Variants in ADRA2C observed in about 807,000 individuals in gnomAD.
ADRA2C encodes adrenoceptor alpha 2C.
Under a neutral mutation model 7.9 loss-of-function variants are expected in ADRA2C, and 4 were observed. The ratio of observed to expected loss-of-function variants is 0.51; its 90% CI spans 0.25 to 1.16. The LOEUF is 1.16. Among genes scored for constraint, ADRA2C ranks in the 50% most tolerant of loss-of-function variants. The pLI, the probability that ADRA2C is intolerant of heterozygous loss-of-function variation, is 0.15. For missense variants in ADRA2C, 589 were observed against 677.7 expected (o/e 0.87, Z 1.45); for synonymous variants, 368 against 328.9 (o/e 1.12, Z -1.29).
At position 3,767,473 on chromosome 4, in the gene ADRA2C, C is replaced by A; in HGVS notation, c.867C>A (p.Ser289Arg). The stretch of plus-strand genomic sequence containing the variant: ...CCGACGTGGAGCCGGACGAGAGCAG[C>A]GCAGCGGCCGAGAGGCGGCGGCGCC... Reference protein sequence around the residue: ...PPADVEPDESSAAAERRRRRG... With the variant: ...PPADVEPDESRAAAERRRRRG... The change falls in exon 1 of 1, where the codon AGC (serine) becomes AGA (arginine). Residue 289 changes from serine (S) to arginine (R), a missense_variant. Physicochemically the swap from Ser to Arg is moderately radical, Grantham distance 110. Coordinates refer to ENST00000330055, the MANE Select transcript of ADRA2C (RefSeq NM_000683.4). 2 of 1,312,502 alleles carry A rather than the reference C, an allele frequency of 1.5e-6. No individual in the cohort carries two copies. The allele number at this position is 1,312,502 out of a possible 1,614,324, so 81.3% of individuals were successfully genotyped here.
In ADRA2C at chr4:3,768,083, C is replaced by CGGGGAGCTCTCCCAGAGACCA; in HGVS notation, c.*93_*94insGCTCTCCCAGAGACCAGGGGA. The CGGGGAGCTCTCCCAGAGACCA allele has an allele frequency of 3.0e-6, 4 of 1,347,724 alleles. No homozygotes were observed. Among genetic ancestry groups the CGGGGAGCTCTCCCAGAGACCA allele is most frequent in the Admixed American group, 4.2e-5 (2 of 48,116 alleles). The allele number at this position is 1,347,724 out of a possible 1,614,324, so 83.5% of individuals were successfully genotyped here. On this transcript the variant is annotated 3_prime_UTR_variant, in exon 1 of 1. Coordinates refer to ENST00000330055, the MANE Select transcript of ADRA2C (RefSeq NM_000683.4). ...GGACGGGGGAGCTTTCCCAGAGACC[C>CGGGGAGCTCTCCCAGAGACCA]GGGGATGGATTGGCCTCCAGGGCGC... is the stretch of plus-strand genomic sequence containing the variant.
Position 3,766,767 on chromosome 4 carries a change from T to C in ADRA2C, c.161T>C (p.Leu54Pro), listed in dbSNP as rs2108706408. ...TACTCGGCGGGCGCGGTGGCAGGGC[T>C]GGCTGCCGTGGTGGGCTTCCTCATC... ...GQYSAGAVAG[L>P]AAVVGFLIVF... is the part of the protein sequence containing the mutation. The change falls in exon 1 of 1, where the codon CTG becomes CCG. Residue 54 changes from leucine (L) to proline (P), a missense_variant. By Grantham distance (98) the Leu-to-Pro change is moderately conservative. Coordinates refer to ENST00000330055, the MANE Select transcript of ADRA2C (RefSeq NM_000683.4). This position sits in a 1 kb window ranked among gnomAD's most constrained non-coding sequence, Gnocchi z 4.5. The C allele has an allele frequency of 6.5e-7, 1 of 1,540,162 alleles. No homozygotes were observed. The highest frequency in any genetic ancestry group is 2.4e-5 in the East Asian group (1 of 41,014).
chr4:3,768,408 C>A lies in ADRA2C; in HGVS notation c.*413C>A. The A allele has an allele frequency of 1.6e-6, 1 of 627,108 alleles. No homozygotes were observed. Among genetic ancestry groups the A allele is most frequent in the Non-Finnish European group, 2.9e-6 (1 of 340,386 alleles). 38.8% of individuals were successfully genotyped at this position (627,108 alleles called of 1,614,324 possible). A position where few individuals can be genotyped will look rare whatever the true frequency, so the allele number is the denominator to read the frequency against. Reference sequence around the variant, plus strand: ...TCTCCAGGACCTAGTCGGGGGGTGGCTGCCAGGGGGCAAGGAGAAAGCACC... The same window carrying A: ...TCTCCAGGACCTAGTCGGGGGGTGGATGCCAGGGGGCAAGGAGAAAGCACC... On this transcript the variant is annotated 3_prime_UTR_variant, in exon 1 of 1. Transcript: ENST00000330055.
In ADRA2C at chr4:3,766,711, G is replaced by C; in HGVS notation, c.105G>C (p.Ser35=). 4 of 1,457,880 alleles carry C rather than the reference G, an allele frequency of 2.7e-6. No homozygotes were observed. The highest frequency in any genetic ancestry group is 3.6e-6 in the Non-Finnish European group (4 of 1,106,898). 90.3% of individuals were successfully genotyped at this position (1,457,880 alleles called of 1,614,324 possible). The change falls in exon 1 of 1, where the codon TCG becomes TCC. Residue 35 remains serine, a synonymous_variant. Coordinates refer to ENST00000330055, the MANE Select transcript of ADRA2C (RefSeq NM_000683.4). This position sits in a 1 kb window ranked among gnomAD's most constrained non-coding sequence, Gnocchi z 4.5. The stretch of plus-strand genomic sequence containing the variant: ...GCAGCGGCGGGGTTGCCAATGCCTC[G>C]GGGGCTTCCTGGGGGCCGCCGCGCG... ...ERGSGGVANA[S]GASWGPPRGQ... is the part of the protein sequence containing the mutation.
At position 3,768,218 on chromosome 4, in the gene ADRA2C, C is replaced by A. The variant is rs1735504562; in HGVS notation, c.*223C>A. On this transcript the variant is annotated 3_prime_UTR_variant, in exon 1 of 1. Coordinates refer to ENST00000330055, the MANE Select transcript of ADRA2C (RefSeq NM_000683.4). ...GCCTTCCCCCCTCAGCAAGGGGCTG[C>A]TTCTGGGGCTCCCTGCCTGGATCCA... The A allele has an allele frequency of 1.4e-6, 1 of 720,566 alleles. No individual in the cohort carries two copies. The highest frequency in any genetic ancestry group is 2.6e-6 in the Non-Finnish European group (1 of 388,378). The allele number at this position is 720,566 out of a possible 1,614,324, so 44.6% of individuals were successfully genotyped here.
chr4:3,767,454 T>C lies in ADRA2C; in HGVS notation c.848T>C (p.Val283Ala). The change falls in exon 1 of 1, where the codon GTG becomes GCG. Residue 283 changes from valine (V) to alanine (A), a missense_variant. Transcript: ENST00000330055. ...NGHCAPPPADVEPDESSAAAE... is the reference protein window; with the variant it reads ...NGHCAPPPADAEPDESSAAAE... ...CACTGCGCGCCCCCGCCCGCCGACG[T>C]GGAGCCGGACGAGAGCAGCGCAGCG... 2 of 1,490,472 alleles carry C rather than the reference T, an allele frequency of 1.3e-6. No homozygotes were observed. Among genetic ancestry groups the C allele is most frequent in the Non-Finnish European group, 1.8e-6 (2 of 1,130,808 alleles). The allele number at this position is 1,490,472 out of a possible 1,614,324, so 92.3% of individuals were successfully genotyped here.
At position 3,768,062 on chromosome 4, in the gene ADRA2C, G is replaced by C. The variant is rs73792664; in HGVS notation, c.*67G>C. ...GCTGGGCAGAAGGGGCGGCCCGGAC[G>C]GGGGAGCTTTCCCAGAGACCCGGGG... On this transcript the variant is annotated 3_prime_UTR_variant, in exon 1 of 1. Transcript: ENST00000330055. 14 of 1,157,864 alleles carry C rather than the reference G, an allele frequency of 1.2e-5. No individual in the cohort carries two copies. In the East Asian group the frequency reaches 2.3e-4, roughly 19 times the overall value. 71.7% of individuals were successfully genotyped at this position (1,157,864 alleles called of 1,614,324 possible).
chr4:3,766,483 G>C lies in ADRA2C; in HGVS notation c.-124G>C, dbSNP rs1053950014. ...CCGAGGGCCGGCTGCTGGGCGCCGC[G>C]GTCCCCGGCGGGCGCGCCCGAGCAG... On this transcript the variant is annotated 5_prime_UTR_variant, in exon 1 of 1. Transcript: ENST00000330055. This position sits in a 1 kb window ranked among gnomAD's most constrained non-coding sequence, Gnocchi z 4.5. 4.5e-6 allele frequency: 3 copies of C among 669,358 alleles called. No homozygotes were observed. The African/African-American group carries it at 5.9e-5, about 13-fold the overall frequency. The allele number at this position is 669,358 out of a possible 1,614,324, so 41.5% of individuals were successfully genotyped here. A position where few individuals can be genotyped will look rare whatever the true frequency, so the allele number is the denominator to read the frequency against.
Position 3,767,055 on chromosome 4 carries a change from A to G in ADRA2C, c.449A>G (p.Tyr150Cys). 6.2e-7 allele frequency: 1 copy of G among 1,611,150 alleles called. No homozygotes were observed. Among genetic ancestry groups the G allele is most frequent in the Non-Finnish European group, 8.5e-7 (1 of 1,179,878 alleles). The part of the protein sequence containing the change: ...VHLCAISLDR[Y>C]WSVTQAVEYN... ...CTGTGTGCCATCAGCCTGGACCGCT[A>G]CTGGTCGGTGACGCAGGCCGTCGAG... Residue 150 changes from tyrosine (Y) to cysteine (C), a missense_variant, in exon 1 of 1, where the codon TAC (tyrosine) becomes TGC (cysteine). By Grantham distance (194) the Tyr-to-Cys change is radical. Coordinates refer to ENST00000330055, the MANE Select transcript of ADRA2C (RefSeq NM_000683.4).
chr4:3,766,996 C>T lies in ADRA2C; in HGVS notation c.390C>T (p.Leu130=), dbSNP rs753453461. The T allele has an allele frequency of 1.9e-6, 3 of 1,611,320 alleles. No individual in the cohort carries two copies. Among genetic ancestry groups the T allele is most frequent in the Non-Finnish European group, 2.5e-6 (3 of 1,179,886 alleles). ...GQVWCGVYLA[L]DVLFCTSSIV... Reference sequence around the variant, plus strand: ...TGTGGTGCGGCGTGTACCTGGCGCTCGATGTGCTGTTTTGCACCTCGTCGA... The same window carrying T: ...TGTGGTGCGGCGTGTACCTGGCGCTTGATGTGCTGTTTTGCACCTCGTCGA... Residue 130 remains leucine (L), a synonymous_variant, in exon 1 of 1, where the codon CTC becomes CTT. Transcript: ENST00000330055. This position sits in a 1 kb window ranked among gnomAD's most constrained non-coding sequence, Gnocchi z 4.5.
chr4:3,768,071 T>TTCCCAGAGACCCGTGGAGCTC lies in ADRA2C; in HGVS notation c.*89_*90insTGGAGCTCTCCCAGAGACCCG. On this transcript the variant is annotated 3_prime_UTR_variant, in exon 1 of 1. Transcript: ENST00000330055. ...AAGGGGCGGCCCGGACGGGGGAGCT[T>TTCCCAGAGACCCGTGGAGCTC]TCCCAGAGACCCGGGGATGGATTGG... 1 of 1,473,146 alleles carries TTCCCAGAGACCCGTGGAGCTC rather than the reference T, an allele frequency of 6.8e-7. No individual in the cohort carries two copies. Among genetic ancestry groups the TTCCCAGAGACCCGTGGAGCTC allele is most frequent in the Non-Finnish European group, 9.2e-7 (1 of 1,087,090 alleles). The allele number at this position is 1,473,146 out of a possible 1,614,324, so 91.3% of individuals were successfully genotyped here.
chr4:3,766,845 G>T lies in ADRA2C; in HGVS notation c.239G>T (p.Arg80Leu). ...GTGGTGATCGCCGTGCTGACCAGCCGGGCGCTGCGCGCGCCACAGAACCTC... is the reference window on the plus strand; with the variant it reads ...GTGGTGATCGCCGTGCTGACCAGCCTGGCGCTGCGCGCGCCACAGAACCTC... ...VLVVIAVLTS[R>L]ALRAPQNLFL... is the part of the protein sequence containing the mutation. Residue 80 changes from arginine (R) to leucine (L), a missense_variant, in exon 1 of 1, where the codon CGG (arginine) becomes CTG (leucine). By Grantham distance (102) the Arg-to-Leu change is moderately radical. Coordinates refer to ENST00000330055, the MANE Select transcript of ADRA2C (RefSeq NM_000683.4). This position sits in a 1 kb window ranked among gnomAD's most constrained non-coding sequence, Gnocchi z 4.5. 1 of 1,592,110 alleles carries T rather than the reference G, an allele frequency of 6.3e-7. No homozygotes were observed. The highest frequency in any genetic ancestry group is 2.3e-5 in the East Asian group (1 of 43,680).
At position 3,767,263 on chromosome 4, in the gene ADRA2C, C is replaced by T. The variant is rs1735468142; in HGVS notation, c.657C>T (p.Phe219=). ...WYILSSCIGS[F]FAPCLIMGLV... ...TCCTGTCCTCCTGCATCGGCTCCTT[C>T]TTCGCGCCCTGCCTCATCATGGGCC... Residue 219 remains phenylalanine (F), a synonymous_variant, in exon 1 of 1, where the codon TTC becomes TTT. Transcript: ENST00000330055. 2.5e-6 allele frequency: 4 copies of T among 1,607,070 alleles called. No homozygotes were observed. Among genetic ancestry groups the T allele is most frequent in the Non-Finnish European group, 3.4e-6 (4 of 1,177,512 alleles).
In ADRA2C at chr4:3,767,711, C is replaced by A; in HGVS notation, c.1105C>A (p.Arg369Ser). The part of the protein sequence containing the change: ...RRRRARSSVC[R>S]RKVAQAREKR... ...GCGCCGGGCGCGCAGCAGCGTGTGC[C>A]GCCGCAAGGTGGCCCAGGCGCGCGA... Residue 369 changes from arginine to serine, a missense_variant, in exon 1 of 1, where the codon CGC becomes AGC. Arg to Ser is a moderately radical substitution (Grantham distance 110, BLOSUM62 -1). Transcript: ENST00000330055. 1 of 1,609,636 alleles carries A rather than the reference C, an allele frequency of 6.2e-7. No homozygotes were observed. The highest frequency in any genetic ancestry group is 8.5e-7 in the Non-Finnish European group (1 of 1,178,548).
At position 3,767,793 on chromosome 4, in the gene ADRA2C, T is replaced by G; in HGVS notation, c.1187T>G (p.Phe396Cys). Residue 396 changes from phenylalanine to cysteine, a missense_variant, in exon 1 of 1, where the codon TTC becomes TGC. Coordinates refer to ENST00000330055, the MANE Select transcript of ADRA2C (RefSeq NM_000683.4). ...ATGGGCGTGTTCGTGCTCTGCTGGT[T>G]CCCCTTCTTCTTCAGCTACAGCCTG... ...VVMGVFVLCW[F>C]PFFFSYSLYG... 6.2e-7 allele frequency: 1 copy of G among 1,613,242 alleles called. No individual in the cohort carries two copies. Among genetic ancestry groups the G allele is most frequent in the Non-Finnish European group, 8.5e-7 (1 of 1,179,848 alleles).
Position 3,767,856 on chromosome 4 carries a change from C to G in ADRA2C, c.1250C>G (p.Pro417Arg). ...CGCGAGGCCTGCCAGGTGCCCGGCC[C>G]GCTCTTCAAGTTCTTCTTCTGGATC... is the stretch of plus-strand genomic sequence containing the variant. ...ICREACQVPG[P>R]LFKFFFWIGY... Residue 417 changes from proline (P) to arginine (R), a missense_variant, in exon 1 of 1, where the codon CCG (proline) becomes CGG (arginine). Physicochemically the swap from Pro to Arg is moderately radical, Grantham distance 103. Transcript: ENST00000330055. 4 of 1,613,140 alleles carry G rather than the reference C, an allele frequency of 2.5e-6. No homozygotes were observed. Among genetic ancestry groups the G allele is most frequent in the Non-Finnish European group, 3.4e-6 (4 of 1,179,928 alleles).
rs1735460266 is a variant in ADRA2C at position 3,767,025 on chromosome 4, T to C, written c.419T>C (p.Val140Ala). The change falls in exon 1 of 1, where the codon GTG (valine) becomes GCG (alanine). Residue 140 changes from valine (V) to alanine (A), a missense_variant. Val to Ala is a moderately conservative substitution (Grantham distance 64). Transcript: ENST00000330055. ...GTGCTGTTTTGCACCTCGTCGATCG[T>C]GCATCTGTGTGCCATCAGCCTGGAC... ...LDVLFCTSSI[V>A]HLCAISLDRY... 2 of 1,611,442 alleles carry C rather than the reference T, an allele frequency of 1.2e-6. No homozygotes were observed. The highest frequency in any genetic ancestry group is 1.7e-6 in the Non-Finnish European group (2 of 1,179,864).
In ADRA2C at chr4:3,768,495, A is replaced by C. The variant is rs1735511257; in HGVS notation, c.*500A>C. The C allele has an allele frequency of 3.4e-6, 2 of 584,946 alleles. No individual in the cohort carries two copies. Among genetic ancestry groups the C allele is most frequent in the Admixed American group, 3.2e-5 (1 of 31,002 alleles). 36.2% of individuals were successfully genotyped at this position (584,946 alleles called of 1,614,324 possible). On this transcript the variant is annotated 3_prime_UTR_variant, in exon 1 of 1. Transcript: ENST00000330055. ...CCAAAAACAACAGCCAAAACAACCA[A>C]ACTATTTTCTAAATAAACCTTTGTA...
At position 3,767,518 on chromosome 4, in the gene ADRA2C, C is replaced by T; in HGVS notation, c.912C>T (p.Gly304=). 1 of 1,008,102 alleles carries T rather than the reference C, an allele frequency of 9.9e-7. No individual in the cohort carries two copies. Among genetic ancestry groups the T allele is most frequent in the Non-Finnish European group, 1.2e-6 (1 of 846,678 alleles). 62.4% of individuals were successfully genotyped at this position (1,008,102 alleles called of 1,614,324 possible). The change falls in exon 1 of 1, where the codon GGC becomes GGT. Residue 304 remains glycine (G), a synonymous_variant. Coordinates refer to ENST00000330055, the MANE Select transcript of ADRA2C (RefSeq NM_000683.4). ...RRRRRGALRR[G]GRRRAGAEGG... Reference sequence around the variant, plus strand: ...GGCGCCGGGGCGCGTTGCGGCGGGGCGGGCGGCGGCGAGCGGGCGCGGAGG... The same window carrying T: ...GGCGCCGGGGCGCGTTGCGGCGGGGTGGGCGGCGGCGAGCGGGCGCGGAGG...
Sources: gnomAD v4.1 joint callset for allele counts on GRCh38, gnomAD v4.1.1 for gene constraint, Gnocchi (gnomAD v3.1) non-coding constraint, MANE v1.5 for transcripts, NCBI Gene and HGNC (gene_info 2026-07-23, HGNC 2026-07-21) for gene names.